Variants in SLC22A13 observed in about 807,000 individuals in gnomAD.
The protein encoded by SLC22A13 is organic anion transporter 10.
Under a neutral mutation model 49.1 loss-of-function variants are expected in SLC22A13, and 42 were observed. That is an observed-to-expected ratio of 0.85 (90% CI 0.67 to 1.11). The LOEUF is 1.11. SLC22A13 is among the 50% of genes least tolerant of loss of function. The probability of loss-of-function intolerance (pLI) is 0.00; values close to 1 mark genes in which losing one functional copy is unlikely to be tolerated. For synonymous variants in SLC22A13, 282 were observed against 293.1 expected, an observed-to-expected ratio of 0.96 and a Z score of 0.39; for missense variants, 694 against 712.8, an observed-to-expected ratio of 0.97 and a Z score of 0.30.
chr3:38,270,088 G>A (rs1703504518), intron 1 of SLC22A13, among the ~76,000 whole-genome samples: 1 of 152,050 alleles, frequency 6.6e-6, no homozygotes, highest in Non-Finnish European at 1.5e-5. Flanking sequence ...TGGTGTATAT[G>A]TGCCACATTT....
chr3:38,276,778 G>A (rs1386312549), intron 8 of SLC22A13, 134 bp from the exon 9 acceptor site: 6 of 741,602 alleles, frequency 8.1e-6, no homozygotes, highest in South Asian at 3.5e-5. Flanking sequence ...GAGCAGGAAC[G>A]CTGGCTGGGC....
At chr3:38,267,400 C>T (rs901575186) in intron 1 of SLC22A13, among the ~76,000 whole-genome samples, 3 of 148,884 alleles carry the variant, frequency 2.0e-5, no homozygotes, top group African/African-American at 4.9e-5. Context: ...CCCCTTCTGA[C>T]CCTTACTGTC....
intron 1 of SLC22A13, among the ~76,000 whole-genome samples, chr3:38,269,606 C>T (rs910581167): frequency 6.6e-6 from 1 of 152,018 alleles, no homozygotes; most frequent in Non-Finnish European, 1.5e-5. Context: ...AGTGTGATGG[C>T]GACAAAAGCT....
chr3:38,276,667 T>C (rs1037923792), intron 8 of SLC22A13, among the ~76,000 whole-genome samples: 2 of 151,914 alleles, frequency 1.3e-5, no homozygotes, highest in African/African-American at 4.8e-5. Context: ...GAAGGAGCAC[T>C]TGGGGTGGAA....
intron 4 of SLC22A13, 42 bp from the exon 5 acceptor site, chr3:38,275,328 A>G (rs1464891826): frequency 6.2e-7 from 1 of 1,612,396 alleles, no homozygotes; most frequent in Non-Finnish European, 8.5e-7. Flanking sequence ...AAAGCTCCCT[A>G]GGACTCCAGG....
chr3:38,272,133 G>A (rs1287331092), intron 1 of SLC22A13, among the ~76,000 whole-genome samples: 2 of 152,234 alleles, frequency 1.3e-5, no homozygotes, highest in African/African-American at 4.8e-5. Flanking sequence ...GTTAGAATGA[G>A]GATTTAATGT....
intron 1 of SLC22A13, among the ~76,000 whole-genome samples, chr3:38,270,945 T>C (rs1461394126): frequency 1.3e-5 from 2 of 152,130 alleles, no homozygotes; most frequent in Non-Finnish European, 2.9e-5. Context: ...TTCCAAAGAC[T>C]GTGACTCCCA....
intron 1 of SLC22A13, among the ~76,000 whole-genome samples, chr3:38,271,797 G>A (rs1703526503): frequency 6.6e-6 from 1 of 152,136 alleles, no homozygotes; most frequent in African/African-American, 2.4e-5. Context: ...GCTCTTCAAG[G>A]GCCTTAGATA....
Position 38,275,973 on chromosome 3 carries a change from G to A in SLC22A13, c.1114G>A (p.Val372Ile), listed in dbSNP as rs753210279. 6.2e-7 allele frequency: 1 copy of A among 1,614,120 alleles called. No homozygotes were observed. The highest frequency in any genetic ancestry group is 1.7e-5 in the Admixed American group (1 of 60,010). ...TCTGACGCAGCTCATCTTTGGAGCTGTTGAGGTGCCTGCCCGCTGTTCCAG... is the reference window on the plus strand; with the variant it reads ...TCTGACGCAGCTCATCTTTGGAGCTATTGAGGTGCCTGCCCGCTGTTCCAG... ...VYLTQLIFGA[V>I]EVPARCSSIF... Residue 372 changes from valine (V) to isoleucine (I), a missense_variant, in exon 7 of 10, where the codon GTT becomes ATT. Val to Ile is a conservative substitution (Grantham distance 29, BLOSUM62 3). Transcript: ENST00000311856.
chr3:38,271,012 G>A (rs1271728557), intron 1 of SLC22A13, among the ~76,000 whole-genome samples: 1 of 152,178 alleles, frequency 6.6e-6, no homozygotes, highest in Non-Finnish European at 1.5e-5. Flanking sequence ...CAGTTCCAGA[G>A]TGCAGCTGGC....
chr3:38,268,232 A>G (rs1450852277), intron 1 of SLC22A13, among the ~76,000 whole-genome samples: 4 of 152,248 alleles, frequency 2.6e-5, no homozygotes, highest in African/African-American at 7.2e-5. Flanking sequence ...CTGTTAAACT[A>G]GAGAGCCTCC....
rs2125864095 is a variant in SLC22A13 at position 38,275,558 on chromosome 3, ACT to A, written c.928-17_928-16del. 6.2e-7 allele frequency: 1 copy of A among 1,613,778 alleles called. No individual in the cohort carries two copies. The highest frequency in any genetic ancestry group is 1.7e-5 in the Admixed American group (1 of 60,006). ...CACGGATCTTCCTGCCTGGCTTCTC[ACT>A]CTGCTTCTTCCTCCCAGCTGGTCCC... On this transcript the variant is annotated intron_variant, in intron 5 of 9. Coordinates refer to ENST00000311856, the MANE Select transcript of SLC22A13 (RefSeq NM_004256.4).
At chr3:38,266,968 C>G (rs1703469929) in intron 1 of SLC22A13, among the ~76,000 whole-genome samples, 1 of 152,160 alleles carries the variant, frequency 6.6e-6, no homozygotes, top group Non-Finnish European at 1.5e-5. Context: ...TTAGCCAGGG[C>G]AATGCAGTGA....
Position 38,276,926 on chromosome 3 carries a change from G to A in SLC22A13, c.1361G>A (p.Gly454Glu), listed in dbSNP as rs1477596803. 1.9e-6 allele frequency: 3 copies of A among 1,613,760 alleles called. No homozygotes were observed. The highest frequency in any genetic ancestry group is 1.1e-5 in the South Asian group (1 of 90,964). ...TCTTCCCCCAGGCAGACAGGCATGG[G>A]GCTGGTGGGCATCTTCTCACGGATC... ...FPTILRQTGM[G>E]LVGIFSRIGG... Residue 454 changes from glycine (G) to glutamate (E), a missense_variant, in exon 9 of 10, where the codon GGG becomes GAG. By Grantham distance (98) the Gly-to-Glu change is moderately conservative. Coordinates refer to ENST00000311856, the MANE Select transcript of SLC22A13 (RefSeq NM_004256.4).
intron 1 of SLC22A13, among the ~76,000 whole-genome samples, chr3:38,267,900 C>A (rs1313696002): frequency 1.3e-5 from 2 of 152,100 alleles, no homozygotes; most frequent in African/African-American, 4.8e-5. Flanking sequence ...CAGGAAAGGC[C>A]TGGCAGCAGG....
At position 38,277,723 on chromosome 3, in the gene SLC22A13, T is replaced by A. The variant is rs907013225; in HGVS notation, c.*258T>A. 2.7e-6 allele frequency: 1 copy of A among 376,716 alleles called. No individual in the cohort carries two copies. Among genetic ancestry groups the A allele is most frequent in the African/African-American group, 2.0e-5 (1 of 48,808 alleles). The allele number at this position is 376,716 out of a possible 1,614,324, so 23.3% of individuals were successfully genotyped here. A position where few individuals can be genotyped will look rare whatever the true frequency, so the allele number is the denominator to read the frequency against. On this transcript the variant is annotated 3_prime_UTR_variant, in exon 10 of 10. Transcript: ENST00000311856. ...CCCCAATACTCTGTCTGGGTTAGGA[T>A]CTTGGGTATGTCTTGGAATTAACTT...
Position 38,275,376 on chromosome 3 carries a change from G to C in SLC22A13, c.813G>C (p.Leu271=). The C allele has an allele frequency of 6.2e-7, 1 of 1,614,120 alleles. No individual in the cohort carries two copies. The highest frequency in any genetic ancestry group is 8.5e-7 in the Non-Finnish European group (1 of 1,180,016). ...GLLLFFYFWA[L]PESARWLLTR... ...AGCCGTTGCTGACCCACAGGGCTCT[G>C]CCAGAATCTGCACGTTGGCTCCTGA... is the stretch of plus-strand genomic sequence containing the variant. Residue 271 remains leucine (L), a synonymous_variant, in exon 5 of 10, where the codon CTG becomes CTC. Coordinates refer to ENST00000311856, the MANE Select transcript of SLC22A13 (RefSeq NM_004256.4).
intron 4 of SLC22A13, 82 bp from the exon 5 acceptor site, chr3:38,275,288 T>G: frequency 1.3e-6 from 2 of 1,597,864 alleles, no homozygotes; most frequent in African/African-American, 2.7e-5. Flanking sequence ...CAGCTGGGTG[T>G]GGGGTTCAGT....
rs1307505367 is a variant in SLC22A13, at chr3:38,275,893, G to A, written c.1034G>A (p.Ser345Asn). 1.2e-6 allele frequency: 2 copies of A among 1,614,152 alleles called. No individual in the cohort carries two copies. Among genetic ancestry groups the A allele is most frequent in the South Asian group, 2.2e-5 (2 of 91,080 alleles). The change falls in exon 7 of 10, where the codon AGT becomes AAT. Residue 345 changes from serine (S) to asparagine (N), a missense_variant. Ser to Asn is a conservative substitution (Grantham distance 46, BLOSUM62 1). Transcript: ENST00000311856. ...LIIFCVWFVD[S>N]LGYYGLSLQV... ...TCATTACCTTGTAGGTTTGTGGACA[G>A]TCTGGGGTACTACGGCCTGAGCCTC...
Sources: allele counts gnomAD v4.1 joint callset (sites outside exome capture counted in the v4.1 genomes callset), GRCh38; gene constraint gnomAD v4.1.1; transcripts MANE v1.5; gene names NCBI Gene and HGNC (gene_info 2026-07-23, HGNC 2026-07-21).